Variants in ZNF454 observed in about 807,000 individuals in gnomAD.
ZNF454 encodes the protein zinc finger protein 454.
A neutral mutation model predicts 48.2 loss-of-function variants in ZNF454; 30 were observed. The ratio of observed to expected loss-of-function variants is 0.62; its 90% CI spans 0.47 to 0.84. The LOEUF (loss-of-function observed/expected upper bound fraction) is 0.84. ZNF454 is among the 40% of genes least tolerant of loss of function. ZNF454 has a pLI of 0.00. For synonymous variants in ZNF454, 204 were observed against 211.4 expected (o/e 0.97, Z 0.30); for missense variants, 510 against 623.1 (o/e 0.82, Z 1.93).
the ZNF454 span, among the ~76,000 whole-genome samples, chr5:178,977,712 G>C: frequency 6.6e-6 from 1 of 152,056 alleles, no homozygotes; most frequent in South Asian, 2.1e-4. Context: ...TGGGATTGCA[G>C]ACATGTGCCA....
At position 178,946,798 on chromosome 5, in the gene ZNF454, A is replaced by C; in HGVS notation, c.161-99A>C. ...ACCCTGGGCTTTCCTATCAAGTCCC[A>C]TTTCCCAGCAAGCTCTGAGGACCAG... On this transcript the variant is annotated intron_variant, in intron 3 of 4. Coordinates refer to ENST00000519564, the MANE Select transcript of ZNF454 (RefSeq NM_001178089.3). This position sits in a 1 kb window ranked among gnomAD's most constrained non-coding sequence, Gnocchi z 4.5. 8.6e-7 allele frequency: 1 copy of C among 1,161,818 alleles called. No homozygotes were observed. The highest frequency in any genetic ancestry group is 1.4e-5 in the South Asian group (1 of 70,692). The allele number at this position is 1,161,818 out of a possible 1,614,324, so 72.0% of individuals were successfully genotyped here.
chr5:178,978,663 TG>T, the ZNF454 span: 1 of 152,224 alleles, frequency 6.6e-6, no homozygotes, highest in East Asian at 1.9e-4. Flanking sequence ...CAATTTTAAT[TG>T]TGTAAACATG....
downstream of ZNF454, among the ~76,000 whole-genome samples, chr5:178,971,123 G>A (rs1760227690): frequency 6.6e-6 from 1 of 152,208 alleles, no homozygotes; most frequent in Non-Finnish European, 1.5e-5. Context: ...TTGTTATGAG[G>A]TAGTCAGTGA....
chr5:178,953,436 C>G (rs1335768921), intron 4 of ZNF454, among the ~76,000 whole-genome samples: 1 of 152,082 alleles, frequency 6.6e-6, no homozygotes, highest in Non-Finnish European at 1.5e-5. Flanking sequence ...TTTTCTGGAG[C>G]CTTCTGACCT....
At chr5:178,976,432 G>C in the ZNF454 span, among the ~76,000 whole-genome samples, 27 of 152,284 alleles carry the variant, frequency 1.8e-4, no homozygotes, top group African/African-American at 6.3e-4. Context: ...AAGGGTACCT[G>C]TGGGACCAAA....
At chr5:178,986,018 T>C in the ZNF454 span, 15 of 1,006,462 alleles carry the variant, frequency 1.5e-5, no homozygotes, top group Admixed American at 2.8e-4. Context: ...CACCTCAGCC[T>C]CCAAAGGTGC....
intron 4 of ZNF454, among the ~76,000 whole-genome samples, chr5:178,947,278 C>A (rs1366735516): frequency 6.6e-6 from 1 of 152,150 alleles, no homozygotes; most frequent in Non-Finnish European, 1.5e-5. Context: ...TCTCCCCACA[C>A]CCCCATTCAT....
chr5:178,949,192 A>G (rs954347447), intron 4 of ZNF454, among the ~76,000 whole-genome samples: 1 of 152,186 alleles, frequency 6.6e-6, no homozygotes, highest in Admixed American at 6.5e-5. Flanking sequence ...CTGGGATTAC[A>G]GGCGCCTGCC....
the ZNF454 span, chr5:178,989,364 G>T: frequency 6.2e-7 from 1 of 1,613,782 alleles, no homozygotes; most frequent in Non-Finnish European, 8.5e-7. Context: ...ATGTTCCTGC[G>T]GTTGTTCTCC....
the ZNF454 span, chr5:178,988,791 G>T: frequency 1.5e-6 from 1 of 670,772 alleles, no homozygotes; most frequent in South Asian, 1.8e-5. The surrounding 1 kb of genome is among the most constrained non-coding windows in gnomAD (Gnocchi z 6.0). Context: ...CTTGTCTCAT[G>T]TCTTTGGCAC....
At chr5:178,988,805 G>T in the ZNF454 span, 2 of 722,218 alleles carry the variant, frequency 2.8e-6, no homozygotes, top group Non-Finnish European at 2.4e-6. This position sits in a 1 kb window ranked among gnomAD's most constrained non-coding sequence, Gnocchi z 6.0. Flanking sequence ...TTGGCACTCA[G>T]CCCCAGGCAC....
At chr5:178,943,786 G>T (rs1223516903) in intron 2 of ZNF454, among the ~76,000 whole-genome samples, 1 of 152,210 alleles carries the variant, frequency 6.6e-6, no homozygotes, top group African/African-American at 2.4e-5. Context: ...AGCACTTTGG[G>T]AGGCCAAGGC....
downstream of ZNF454, among the ~76,000 whole-genome samples, chr5:178,968,357 G>A (rs4280856): frequency 6.6e-6 from 1 of 152,074 alleles, no homozygotes; most frequent in Non-Finnish European, 1.5e-5. Flanking sequence ...TACAGAAGAG[G>A]ATATTCTATA....
chr5:178,968,368 T>C (rs564040805), downstream of ZNF454, among the ~76,000 whole-genome samples: 70 of 152,270 alleles, frequency 4.6e-4, no homozygotes, highest in African/African-American at 1.6e-3. Flanking sequence ...ATATTCTATA[T>C]CATGGTAGAA....
downstream of ZNF454, among the ~76,000 whole-genome samples, chr5:178,967,149 C>T (rs138970006): frequency 1.3e-5 from 2 of 152,298 alleles, no homozygotes; most frequent in Admixed American, 6.5e-5. Context: ...TTGCCTGTGC[C>T]GCCTTTACCC....
At chr5:178,980,036 G>A in the ZNF454 span, 1 of 154,328 alleles carries the variant, frequency 6.5e-6, no homozygotes, top group Admixed American at 6.5e-5. The surrounding 1 kb of genome is among the most constrained non-coding windows in gnomAD (Gnocchi z 4.3). Context: ...TGTGGAGAAG[G>A]AGAGTCAGTA....
At chr5:178,955,662 T>C (rs1166850570) in intron 4 of ZNF454, among the ~76,000 whole-genome samples, 1 of 152,252 alleles carries the variant, frequency 6.6e-6, no homozygotes, top group Non-Finnish European at 1.5e-5. Flanking sequence ...TCTCTGTCTC[T>C]GCTCTCAGAG....
chr5:178,981,140 T>A, the ZNF454 span: 1 of 167,084 alleles, frequency 6.0e-6, no homozygotes, highest in Non-Finnish European at 1.3e-5. The surrounding 1 kb of genome is among the most constrained non-coding windows in gnomAD (Gnocchi z 5.1). Context: ...TCTCCCTCCG[T>A]GCCAGAGGAA....
At chr5:178,983,350 C>A in the ZNF454 span, 4 of 820,996 alleles carry the variant, frequency 4.9e-6, no homozygotes, top group Non-Finnish European at 8.1e-6. Context: ...TCCACCTCTT[C>A]GTGGTGGCTC....
Sources: allele counts gnomAD v4.1 joint callset (sites outside exome capture counted in the v4.1 genomes callset), GRCh38; gene constraint gnomAD v4.1.1; non-coding constraint Gnocchi (gnomAD v3.1); transcripts MANE v1.5; gene names NCBI Gene and HGNC (gene_info 2026-07-23, HGNC 2026-07-21).